The following SECISBP2L variants were observed in gnomAD, a reference collection of about 807,000 sequenced individuals.
The protein encoded by SECISBP2L is SECIS binding protein 2 like.
In SECISBP2L, 43 loss-of-function variants were observed where a neutral mutation model predicts 114.7. That is an observed-to-expected ratio of 0.38 (90% CI 0.29 to 0.48). SECISBP2L has a LOEUF of 0.48. Ranked by LOEUF, SECISBP2L falls within the 20% of genes least tolerant of loss-of-function variation. SECISBP2L has a pLI of 0.98. For synonymous variants in SECISBP2L, 451 were observed against 439.7 expected, an observed-to-expected ratio of 1.03 and a Z score of -0.32; for missense variants, 1,136 against 1,301.1, an observed-to-expected ratio of 0.87 and a Z score of 1.95.
rs1901945612 is a variant in SECISBP2L at position 48,990,288 on chromosome 15, AAC to A, written c.*1954_*1955del. 1 of 152,644 alleles carries A rather than the reference AAC, an allele frequency of 6.6e-6. No homozygotes were observed. Among genetic ancestry groups the A allele is most frequent in the Non-Finnish European group, 1.5e-5 (1 of 68,046 alleles). 9.5% of individuals were successfully genotyped at this position (152,644 alleles called of 1,614,324 possible). Reference sequence around the variant, plus strand: ...GGAAATTTACACCATAAAAAGTATGAACAGTTTTTAAATTCACTTTTAAGACT... The same window carrying A: ...GGAAATTTACACCATAAAAAGTATGAAGTTTTTAAATTCACTTTTAAGACT... On this transcript the variant is annotated 3_prime_UTR_variant, in exon 18 of 18. Transcript: ENST00000559471.
rs2141072331 is a variant in SECISBP2L at position 49,016,884 on chromosome 15, C to T, written c.1383G>A (p.Glu461=). The T allele has an allele frequency of 1.9e-6, 3 of 1,613,886 alleles. No homozygotes were observed. The highest frequency in any genetic ancestry group is 1.7e-5 in the Admixed American group (1 of 59,996). ...TTTGCTCCATACTTATTTCTGAATA[C>T]TCTTGAGCTGTGGCAAGGGCTGCTG... ...ALAAALATAQ[E]YSEISMEQKK... Residue 461 remains glutamate, a synonymous_variant, in exon 10 of 18, where the codon GAG becomes GAA. Coordinates refer to ENST00000559471, the MANE Select transcript of SECISBP2L (RefSeq NM_001193489.2).
rs747041964 is a variant in SECISBP2L, at chr15:49,012,729, A to G, written c.1650T>C (p.Ser550=). ...TTGCTTTAGAAGAAGCAATGTCCAC[A>G]GAATTAAAGGATGTCAAACAGGGCT... ...KSQPCLTSFN[S]VDIASSKAKK... is the part of the protein sequence containing the mutation. Residue 550 remains serine, a synonymous_variant, in exon 12 of 18, where the codon TCT becomes TCC. Coordinates refer to ENST00000559471, the MANE Select transcript of SECISBP2L (RefSeq NM_001193489.2). The G allele has an allele frequency of 2.9e-5, 46 of 1,613,850 alleles. No individual in the cohort carries two copies. The highest frequency in any genetic ancestry group is 3.8e-5 in the Non-Finnish European group (45 of 1,179,946).
At position 49,028,125 on chromosome 15, in the gene SECISBP2L, C is replaced by T. The variant is rs572947215; in HGVS notation, c.919+19G>A. On this transcript the variant is annotated intron_variant, in intron 6 of 17. Coordinates refer to ENST00000559471, the MANE Select transcript of SECISBP2L (RefSeq NM_001193489.2). ...CAAAGTAGAAAGTATAGCAAAAACA[C>T]AATGCAGAAAACAAGTACCTGCACA... 1 of 1,573,012 alleles carries T rather than the reference C, an allele frequency of 6.4e-7. No individual in the cohort carries two copies. Among genetic ancestry groups the T allele is most frequent in the African/African-American group, 1.4e-5 (1 of 73,628 alleles).
Position 48,994,930 on chromosome 15 carries a change from T to C in SECISBP2L, c.2623+1437A>G, listed in dbSNP as rs541334971. ...AAAAATTTTAAAGGCACAAAATGTT[T>C]AAAAATTTTAGATGCACATTAACAT... On this transcript the variant is annotated intron_variant, in intron 17 of 17. Coordinates refer to ENST00000559471, the MANE Select transcript of SECISBP2L (RefSeq NM_001193489.2). 2.6e-5 allele frequency among the ~76,000 whole-genome samples: 4 copies of C among 152,094 alleles called. No individual in the cohort carries two copies. The East Asian group carries it at 7.7e-4, about 29-fold the overall frequency.
chr15:49,003,798 C>T (rs1331919242), intron 14 of SECISBP2L, among the ~76,000 whole-genome samples: 1 of 152,182 alleles, frequency 6.6e-6, no homozygotes, highest in Non-Finnish European at 1.5e-5. Context: ...CCGACTTGAT[C>T]GTGGTCGATA....
At chr15:48,994,890 T>C (rs1026023682) in intron 17 of SECISBP2L, among the ~76,000 whole-genome samples, 2 of 149,600 alleles carry the variant, frequency 1.3e-5, no homozygotes, top group East Asian at 1.9e-4. Flanking sequence ...TTCCCACATA[T>C]ATTTAATTAT....
intron 17 of SECISBP2L, among the ~76,000 whole-genome samples, chr15:48,994,630 T>C (rs1038561024): frequency 2.0e-5 from 3 of 152,202 alleles, no homozygotes; most frequent in African/African-American, 7.2e-5. Context: ...CAGACTCCTA[T>C]TCATCTTGAT....
Position 49,012,702 on chromosome 15 carries a change from T to C in SECISBP2L, c.1677A>G (p.Lys559=), listed in dbSNP as rs144268687. 211 of 1,613,922 alleles carry C rather than the reference T, an allele frequency of 1.3e-4. No individual in the cohort carries two copies. In the African/African-American group the frequency reaches 2.5e-3, roughly 19 times the overall value. The change falls in exon 12 of 18, where the codon AAA becomes AAG. Residue 559 remains lysine (K), a synonymous_variant. Coordinates refer to ENST00000559471, the MANE Select transcript of SECISBP2L (RefSeq NM_001193489.2). ...TTGCAATTTCCTTCTCTTTTCCTTT[T>C]TTTGCTTTAGAAGAAGCAATGTCCA... ...NSVDIASSKA[K]KGKEKEIAKL... is the part of the protein sequence containing the mutation.
intron 8 of SECISBP2L, among the ~76,000 whole-genome samples, chr15:49,018,256 ATTTT>A (rs111439945): frequency 7.1e-6 from 1 of 139,914 alleles, no homozygotes; most frequent in African/African-American, 2.6e-5. Context: ...CATATTATTG[ATTTT>A]TTTTTTTTTT....
rs1182823695 is a variant in SECISBP2L, at chr15:49,027,404, A to G, written c.996T>C (p.Ser332=). The change falls in exon 7 of 18, where the codon TCT becomes TCC. Residue 332 remains serine (S), a synonymous_variant. Transcript: ENST00000559471. ...KPWMEKNQTF[S]RGGRQTEQRN... ...TTTGTTCAGTTTGCCTTCCACCTCT[A>G]GAAAATGTCTGATTTTTTTCCATCC... 1 of 1,611,254 alleles carries G rather than the reference A, an allele frequency of 6.2e-7. No individual in the cohort carries two copies. Among genetic ancestry groups the G allele is most frequent in the Non-Finnish European group, 8.5e-7 (1 of 1,178,172 alleles).
chr15:49,036,389 C>G (rs1903007240), intron 2 of SECISBP2L, among the ~76,000 whole-genome samples: 1 of 152,162 alleles, frequency 6.6e-6, no homozygotes, highest in Admixed American at 6.5e-5. Flanking sequence ...AGGGCTTTTC[C>G]TCATTACTCC....
chr15:49,028,497 G>A lies in SECISBP2L; in HGVS notation c.850C>T (p.Pro284Ser), dbSNP rs939163955. ...GGATTTCTCAAAGCCCCTGCTGCAG[G>A]CTGGTTGTTGCTGTGTTTGGGACTG... ...YCSPKHSNNQ[P>S]AAGALRNPDS... The change falls in exon 5 of 18, where the codon CCT becomes TCT. Residue 284 changes from proline (P) to serine (S), a missense_variant. Physicochemically the swap from Pro to Ser is moderately conservative, Grantham distance 74. Transcript: ENST00000559471. 4.3e-6 allele frequency: 7 copies of A among 1,613,980 alleles called. No individual in the cohort carries two copies. Among genetic ancestry groups the A allele is most frequent in the African/African-American group, 2.7e-5 (2 of 74,902 alleles).
At chr15:49,025,419 G>C (rs1386887985) in intron 7 of SECISBP2L, among the ~76,000 whole-genome samples, 3 of 152,236 alleles carry the variant, frequency 2.0e-5, no homozygotes, top group Admixed American at 6.5e-5. Context: ...AAATTCACTT[G>C]TGTTTCACAT....
chr15:49,007,048 G>C (rs1035264139), intron 14 of SECISBP2L, among the ~76,000 whole-genome samples: 7 of 152,130 alleles, frequency 4.6e-5, no homozygotes, highest in African/African-American at 1.7e-4. Context: ...CTAACAGTCA[G>C]GTCCCTCTGC....
intron 16 of SECISBP2L, among the ~76,000 whole-genome samples, chr15:48,998,378 A>G (rs4775794): frequency 0.26 from 39,853 of 152,172 alleles, 6,478 homozygotes; most frequent in Non-Finnish European, 0.36. Context: ...ATTTTTAAAA[A>G]GGAAGGACAA....
chr15:49,016,361 G>A (rs1902536014), intron 11 of SECISBP2L, 199 bp downstream of exon 11: 1 of 456,554 alleles, frequency 2.2e-6, no homozygotes, highest in African/African-American at 2.0e-5. Context: ...GACTAGGTGT[G>A]GAAAGGAGCA....
rs370394016 is a variant in SECISBP2L at position 49,033,048 on chromosome 15, A to C, written c.581T>G (p.Val194Gly). The C allele has an allele frequency of 8.7e-6, 14 of 1,614,160 alleles. No individual in the cohort carries two copies. The highest frequency in any genetic ancestry group is 8.3e-5 in the Admixed American group (5 of 60,016). ...TGCATTTGTTTCTTTCTGAGTAGCT[A>C]CATTTTTCACCAGCGGCCTTTTGCT... ...IKSKRPLVKN[V>G]ATQKETNAAG... The change falls in exon 4 of 18, where the codon GTA becomes GGA. Residue 194 changes from valine to glycine, a missense_variant. Physicochemically the swap from Val to Gly is moderately radical, Grantham distance 109. Coordinates refer to ENST00000559471, the MANE Select transcript of SECISBP2L (RefSeq NM_001193489.2).
At chr15:49,033,410 G>T (rs1252751289) in intron 3 of SECISBP2L, among the ~76,000 whole-genome samples, 2 of 152,122 alleles carry the variant, frequency 1.3e-5, no homozygotes, top group Non-Finnish European at 2.9e-5. Context: ...AATAGCAGGG[G>T]TATAATAATG....
intron 4 of SECISBP2L, among the ~76,000 whole-genome samples, chr15:49,031,061 C>CTTTTTTTTTTTTTTT (rs1566861328): frequency 2.6e-5 from 2 of 77,040 alleles, no homozygotes; most frequent in East Asian, 4.4e-4. Context: ...TTTTTTTTTT[C>CTTTTTTTTTTTTTTT]CCTTTTGAGA....
Sources: allele counts gnomAD v4.1 joint callset (sites outside exome capture counted in the v4.1 genomes callset), GRCh38; gene constraint gnomAD v4.1.1; transcripts MANE v1.5; gene names NCBI Gene and HGNC (gene_info 2026-07-23, HGNC 2026-07-21).